Variants in FSTL5 observed in about 807,000 individuals in gnomAD.
The protein encoded by FSTL5 is follistatin-related protein 5.
In FSTL5, 62 loss-of-function variants were observed where a neutral mutation model predicts 89.1. The ratio of observed to expected loss-of-function variants is 0.70; its 90% CI spans 0.57 to 0.86. FSTL5 has a LOEUF of 0.86. FSTL5 is among the 40% of genes least tolerant of loss of function. FSTL5 has a pLI of 0.00. For missense variants in FSTL5, 1,057 were observed against 1,001.6 expected, an observed-to-expected ratio of 1.06 and a Z score of -0.75; for synonymous variants, 383 against 346.2, an observed-to-expected ratio of 1.11 and a Z score of -1.18.
intron 15 of FSTL5, among the ~76,000 whole-genome samples, chr4:161,395,886 AC>A (rs768846642): frequency 2.0e-5 from 3 of 152,152 alleles, no homozygotes; most frequent in Non-Finnish European, 4.4e-5. Context: ...AAACAGTTGA[AC>A]TAATACCTTA....
intron 2 of FSTL5, among the ~76,000 whole-genome samples, chr4:162,064,432 G>C (rs1286349788): frequency 6.6e-6 from 1 of 152,030 alleles, no homozygotes; most frequent in Non-Finnish European, 1.5e-5. Context: ...GAATAAAGCA[G>C]ATAGTTCTCT....
intron 4 of FSTL5, among the ~76,000 whole-genome samples, chr4:161,793,687 T>C (rs1975229): frequency 0.73 from 111,319 of 151,640 alleles, 40,939 homozygotes; most frequent in Admixed American, 0.76. Flanking sequence ...CAGCTCACTG[T>C]AACCTCCACC....
chr4:161,978,357 AC>A (rs1352957463), intron 3 of FSTL5, among the ~76,000 whole-genome samples: 1 of 151,750 alleles, frequency 6.6e-6, no homozygotes, highest in Non-Finnish European at 1.5e-5. Flanking sequence ...AAAACAAAAA[AC>A]CCTTTTACTG....
chr4:161,397,691 T>G (rs1357321763), intron 15 of FSTL5, among the ~76,000 whole-genome samples: 1 of 151,378 alleles, frequency 6.6e-6, no homozygotes, highest in African/African-American at 2.4e-5. Context: ...TCATATAAGT[T>G]AAAAGCATAA....
At chr4:162,050,945 A>G (rs909339996) in intron 2 of FSTL5, among the ~76,000 whole-genome samples, 1 of 151,622 alleles carries the variant, frequency 6.6e-6, no homozygotes, top group Non-Finnish European at 1.5e-5. Context: ...ATTGTAGAGG[A>G]GAGAAATAAA....
intron 4 of FSTL5, among the ~76,000 whole-genome samples, chr4:161,806,263 G>C (rs1338550202): frequency 6.6e-6 from 1 of 152,128 alleles, no homozygotes; most frequent in African/African-American, 2.4e-5. Context: ...CTTTGAGTTA[G>C]ACAGTGAGTT....
intron 3 of FSTL5, among the ~76,000 whole-genome samples, chr4:161,974,228 T>G (rs1206268299): frequency 2.0e-5 from 3 of 152,154 alleles, no homozygotes; most frequent in African/African-American, 7.2e-5. Context: ...AAGCTACCAA[T>G]GACTTTCTTC....
chr4:161,895,977 C>A (rs1295978436), intron 4 of FSTL5, among the ~76,000 whole-genome samples: 2 of 152,034 alleles, frequency 1.3e-5, no homozygotes, highest in Non-Finnish European at 2.9e-5. Context: ...TGGGCTTTAC[C>A]AAAGTCACAG....
chr4:162,030,329 A>T (rs994922632), intron 3 of FSTL5, among the ~76,000 whole-genome samples: 9 of 152,082 alleles, frequency 5.9e-5, no homozygotes, highest in Non-Finnish European at 4.4e-5. Flanking sequence ...TATGTAGAAA[A>T]CTCAATACAA....
At chr4:161,542,189 G>C (rs996036751) in intron 9 of FSTL5, among the ~76,000 whole-genome samples, 12 of 151,934 alleles carry the variant, frequency 7.9e-5, no homozygotes, top group East Asian at 7.7e-4. Context: ...CACTTAAAAA[G>C]TAACTTCAGA....
chr4:161,737,243 T>C (rs1054337273), intron 6 of FSTL5, among the ~76,000 whole-genome samples: 1 of 152,110 alleles, frequency 6.6e-6, no homozygotes, highest in Non-Finnish European at 1.5e-5. Flanking sequence ...CATAAAGCAG[T>C]GTGGTTTAGC....
chr4:161,663,452 A>G (rs902855641), intron 6 of FSTL5, among the ~76,000 whole-genome samples: 1 of 152,146 alleles, frequency 6.6e-6, no homozygotes, highest in Non-Finnish European at 1.5e-5. Context: ...TAAAAGTCCA[A>G]AATCCAGGGG....
chr4:161,621,295 CACACACACACAA>C (rs1735113435), intron 7 of FSTL5, among the ~76,000 whole-genome samples: 1 of 151,628 alleles, frequency 6.6e-6, no homozygotes. Flanking sequence ...CACACACACA[CACACACACACAA>C]ACACAAAATT....
At chr4:162,073,709 T>C (rs1012274312) in intron 2 of FSTL5, among the ~76,000 whole-genome samples, 2 of 151,752 alleles carry the variant, frequency 1.3e-5, no homozygotes, top group Non-Finnish European at 2.9e-5. Flanking sequence ...GGTAGGGAAA[T>C]TAATAGTTCT....
At position 162,096,828 on chromosome 4, in the gene FSTL5, C is replaced by T. The variant is rs186313300; in HGVS notation, c.126+14443G>A. Among the ~76,000 whole-genome samples the T allele has an allele frequency of 1.6e-4, 25 of 151,878 alleles. 1 individual carries two copies. Among genetic ancestry groups the T allele is most frequent in the African/African-American group, 3.6e-4 (15 of 41,518 alleles). On this transcript the variant is annotated intron_variant, in intron 2 of 15. Transcript: ENST00000306100. ...TAGGATTAATACAAAAATTTTTTAA[C>T]GTTAACAATATTCAATTGATGAAAT...
chr4:161,435,989 CT>C (rs1226377222), intron 15 of FSTL5, among the ~76,000 whole-genome samples: 1 of 152,094 alleles, frequency 6.6e-6, no homozygotes, highest in Non-Finnish European at 1.5e-5. Context: ...GTTATTTTCT[CT>C]ACCTATAAGT....
At chr4:161,780,240 A>T (rs1741613931) in intron 4 of FSTL5, among the ~76,000 whole-genome samples, 1 of 151,146 alleles carries the variant, frequency 6.6e-6, no homozygotes. Context: ...TAGGAAAGAA[A>T]AACATCTAGC....
chr4:162,124,104 T>G (rs1731976182), intron 1 of FSTL5, among the ~76,000 whole-genome samples: 1 of 152,176 alleles, frequency 6.6e-6, no homozygotes, highest in Non-Finnish European at 1.5e-5. Flanking sequence ...TCTTTTGAAG[T>G]AAATGCTTTT....
At chr4:161,554,016 G>A (rs1275310631) in intron 8 of FSTL5, among the ~76,000 whole-genome samples, 2 of 151,360 alleles carry the variant, frequency 1.3e-5, no homozygotes, top group African/African-American at 2.4e-5. Context: ...ATTGCTCTAA[G>A]AATACATAAG....
Sources: gnomAD v4.1 joint callset for allele counts (sites outside exome capture counted in the v4.1 genomes callset) on GRCh38, gnomAD v4.1.1 for gene constraint, MANE v1.5 for transcripts, NCBI Gene and HGNC (gene_info 2026-07-23, HGNC 2026-07-21) for gene names.